Variants in BACH2 observed in about 807,000 individuals in gnomAD.
BACH2 encodes BACH transcriptional regulator 2, also known as transcription regulator protein BACH2.
In BACH2, 5 loss-of-function variants were observed where a neutral mutation model predicts 61.8. That is an observed-to-expected ratio of 0.08 (90% confidence interval 0.04 to 0.17). BACH2 has a LOEUF of 0.17. Ranked by LOEUF, BACH2 falls within the 10% of genes least tolerant of loss-of-function variation. BACH2 has a pLI of 1.00. For synonymous variants in BACH2, 446 were observed against 440.1 expected (o/e 1.01, Z -0.17); for missense variants, 824 against 1,091.1 (o/e 0.76, Z 3.45).
At chr6:90,070,579 A>C (rs1682000242) in intron 5 of BACH2, among the ~76,000 whole-genome samples, 1 of 152,168 alleles carries the variant, frequency 6.6e-6, no homozygotes, top group Admixed American at 6.5e-5. Context: ...TCTTAGGGCT[A>C]TCTGGTTCGT....
intron 1 of BACH2, among the ~76,000 whole-genome samples, chr6:90,280,087 G>A (rs1771812772): frequency 6.6e-6 from 1 of 151,926 alleles, no homozygotes; most frequent in Non-Finnish European, 1.5e-5. Flanking sequence ...AGACTTCAAA[G>A]GTTCCCATAA....
intron 5 of BACH2, among the ~76,000 whole-genome samples, chr6:90,040,024 C>CT (rs71556549): frequency 0.38 from 52,816 of 139,576 alleles, 10,738 homozygotes; most frequent in East Asian, 0.82. Context: ...TTCTTTGTCA[C>CT]TTTTTTTTTT....
chr6:90,214,222 T>G (rs907263043), intron 3 of BACH2, among the ~76,000 whole-genome samples: 180 of 152,296 alleles, frequency 1.2e-3, no homozygotes, highest in African/African-American at 4.0e-3. Flanking sequence ...CACTTTGGAT[T>G]GAGAAGGCTG....
chr6:90,268,539 T>G (rs1771418993), intron 2 of BACH2, among the ~76,000 whole-genome samples: 1 of 152,228 alleles, frequency 6.6e-6, no homozygotes, highest in Non-Finnish European at 1.5e-5. Context: ...CAGAGTAATT[T>G]TATGTCTGTT....
chr6:90,121,548 TTA>T (rs1783626126), intron 4 of BACH2, among the ~76,000 whole-genome samples: 3 of 152,166 alleles, frequency 2.0e-5, no homozygotes, highest in Admixed American at 6.5e-5. Flanking sequence ...AATTAATTAA[TTA>T]ATTTATTTTG....
intron 1 of BACH2, among the ~76,000 whole-genome samples, chr6:90,286,251 A>G (rs1238099201): frequency 2.6e-5 from 4 of 152,206 alleles, no homozygotes; most frequent in Non-Finnish European, 4.4e-5. Context: ...TTTCAAACCC[A>G]CAATATCAAC....
At chr6:90,270,730 T>G (rs781260772) in intron 2 of BACH2, among the ~76,000 whole-genome samples, 1 of 152,006 alleles carries the variant, frequency 6.6e-6, no homozygotes, top group Non-Finnish European at 1.5e-5. Context: ...AAAACAATCC[T>G]AAAATTCACA....
chr6:90,087,601 C>T (rs1278568312), intron 5 of BACH2, among the ~76,000 whole-genome samples: 1 of 152,140 alleles, frequency 6.6e-6, no homozygotes, highest in Non-Finnish European at 1.5e-5. Context: ...CGGGCCTGTT[C>T]GAAAGCTAAC....
chr6:90,002,068 G>A (rs147978949), intron 6 of BACH2, among the ~76,000 whole-genome samples: 44 of 152,294 alleles, frequency 2.9e-4, no homozygotes, highest in African/African-American at 9.6e-4. Flanking sequence ...CGGATGGTCA[G>A]TTTTTGGCCT....
At chr6:89,991,439 A>G (rs1386967373) in intron 6 of BACH2, among the ~76,000 whole-genome samples, 2 of 152,154 alleles carry the variant, frequency 1.3e-5, no homozygotes, top group Admixed American at 6.5e-5. Flanking sequence ...CTCTCAATGT[A>G]TATCTATACA....
chr6:90,207,398 C>T (rs1166866712), intron 3 of BACH2, among the ~76,000 whole-genome samples: 1 of 152,178 alleles, frequency 6.6e-6, no homozygotes, highest in Non-Finnish European at 1.5e-5. Flanking sequence ...GGATTATGAG[C>T]CACCATACCT....
chr6:90,245,965 A>C (rs1770622359), intron 3 of BACH2, among the ~76,000 whole-genome samples: 1 of 152,186 alleles, frequency 6.6e-6, no homozygotes, highest in Admixed American at 6.5e-5. Context: ...TGCAGCACAA[A>C]GGGGTGGAAA....
chr6:90,066,095 A>G (rs1780950237), intron 5 of BACH2, among the ~76,000 whole-genome samples: 1 of 152,128 alleles, frequency 6.6e-6, no homozygotes, highest in South Asian at 2.1e-4. Context: ...TCCTGAGGGA[A>G]GGTCTTATTT....
chr6:90,223,369 G>A (rs769914952), intron 3 of BACH2, among the ~76,000 whole-genome samples: 8 of 152,128 alleles, frequency 5.3e-5, no homozygotes, highest in Non-Finnish European at 1.0e-4. Context: ...ATGCAAAGAG[G>A]CCTACAAAAT....
chr6:90,158,010 G>A (rs1164519265), intron 4 of BACH2, among the ~76,000 whole-genome samples: 1 of 152,158 alleles, frequency 6.6e-6, no homozygotes, highest in African/African-American at 2.4e-5. Flanking sequence ...CGTTAACTGA[G>A]GGGGAGGTGA....
At chr6:90,102,003 C>T (rs953179663) in intron 4 of BACH2, among the ~76,000 whole-genome samples, 11 of 152,156 alleles carry the variant, frequency 7.2e-5, no homozygotes, top group African/African-American at 2.7e-4. Context: ...TCCTGCAAAA[C>T]TGATGATCTT....
chr6:90,171,479 T>C (rs938758672), intron 4 of BACH2, among the ~76,000 whole-genome samples: 3 of 151,368 alleles, frequency 2.0e-5, no homozygotes, highest in African/African-American at 2.4e-5. Flanking sequence ...TACATATCCA[T>C]GTGCCCTTTC....
chr6:90,031,965 G>A (rs916421908), intron 5 of BACH2, among the ~76,000 whole-genome samples: 2 of 152,136 alleles, frequency 1.3e-5, no homozygotes, highest in Non-Finnish European at 2.9e-5. Context: ...ATACTACAAG[G>A]CTACAGTAAC....
chr6:90,234,895 C>T (rs761977610), intron 3 of BACH2, among the ~76,000 whole-genome samples: 2 of 152,138 alleles, frequency 1.3e-5, no homozygotes, highest in African/African-American at 2.4e-5. Flanking sequence ...AGCTGGGTGA[C>T]CTTGGGCAAG....
Sources: gnomAD v4.1 joint callset for allele counts (sites outside exome capture counted in the v4.1 genomes callset) on GRCh38, gnomAD v4.1.1 for gene constraint, MANE v1.5 for transcripts, NCBI Gene and HGNC (gene_info 2026-07-23, HGNC 2026-07-21) for gene names.